Variants in RNF111 observed in about 807,000 individuals in gnomAD.
RNF111 encodes E3 ubiquitin-protein ligase Arkadia.
A neutral mutation model predicts 95.1 loss-of-function variants in RNF111; 17 were observed. That is an observed-to-expected ratio of 0.18 (90% confidence interval 0.12 to 0.27). The LOEUF (loss-of-function observed/expected upper bound fraction) is 0.27, where lower values mean the gene tolerates loss of function less well. RNF111 is among the 10% of genes least tolerant of loss of function. RNF111 has a pLI of 1.00. For synonymous variants in RNF111, 440 were observed against 414.8 expected (o/e 1.06, Z -0.74); for missense variants, 1,189 against 1,210.4 (o/e 0.98, Z 0.26).
chr15:59,075,860 T>A (rs2043142820), intron 6 of RNF111, 94 bp from the exon 7 acceptor site: 2 of 1,325,532 alleles, frequency 1.5e-6, no homozygotes, highest in Non-Finnish European at 2.1e-6. Context: ...TTAAAGATTA[T>A]GTTTTTTTGG....
rs2043147102 is a variant in RNF111 at position 59,075,938 on chromosome 15, C to G, written c.1687-16C>G. 6.2e-7 allele frequency: 1 copy of G among 1,611,150 alleles called. No homozygotes were observed. Among genetic ancestry groups the G allele is most frequent in the South Asian group, 1.1e-5 (1 of 91,000 alleles). On this transcript the variant is annotated splice_polypyrimidine_tract_variant and intron_variant, in intron 6 of 13. Coordinates refer to ENST00000348370, the MANE Select transcript of RNF111 (RefSeq NM_017610.8). ...CCAAACTTTAGAAAGATAAAATATACTTCCTTTTTATCTAGCAGGCATTGC... is the reference window on the plus strand; with the variant it reads ...CCAAACTTTAGAAAGATAAAATATAGTTCCTTTTTATCTAGCAGGCATTGC...
chr15:59,094,487 C>A (rs902644414), intron 13 of RNF111, among the ~76,000 whole-genome samples: 19 of 152,078 alleles, frequency 1.2e-4, no homozygotes, highest in African/African-American at 3.9e-4. Context: ...ACTGCTAACT[C>A]CAGGGCATTG....
intron 2 of RNF111, chr15:59,050,287 A>C (rs2041922482): frequency 6.6e-6 from 1 of 152,162 alleles, no homozygotes; most frequent in Non-Finnish European, 1.5e-5. Context: ...TTTTTCTTGT[A>C]GATTCCTGTG....
intron 2 of RNF111, 64 bp downstream of exon 2, chr15:59,031,766 G>A: frequency 6.9e-7 from 1 of 1,439,678 alleles, no homozygotes; most frequent in East Asian, 2.3e-5. Flanking sequence ...TTAATTTTTT[G>A]TTTGTGTCTT....
At chr15:59,008,276 G>A (rs2039632095) in intron 1 of RNF111, among the ~76,000 whole-genome samples, 1 of 152,122 alleles carries the variant, frequency 6.6e-6, no homozygotes, top group South Asian at 2.1e-4. Context: ...GCAGTGCAGT[G>A]GCACAGTCGT....
At chr15:59,014,347 A>G (rs2039968781) in intron 1 of RNF111, among the ~76,000 whole-genome samples, 1 of 152,224 alleles carries the variant, frequency 6.6e-6, no homozygotes, top group African/African-American at 2.4e-5. Context: ...ACAAGTCAGA[A>G]TCTGAGCACT....
At chr15:59,078,489 T>C (rs2078632765) in intron 7 of RNF111, among the ~76,000 whole-genome samples, 1 of 150,312 alleles carries the variant, frequency 6.7e-6, no homozygotes, top group South Asian at 2.1e-4. Flanking sequence ...TGTAGTGTGC[T>C]GTTATCACAC....
intron 1 of RNF111, among the ~76,000 whole-genome samples, chr15:59,002,005 A>G (rs1408405747): frequency 6.6e-6 from 1 of 152,216 alleles, no homozygotes; most frequent in East Asian, 1.9e-4. Context: ...CTTTCTTGTG[A>G]TGACGGAAAA....
intron 1 of RNF111, among the ~76,000 whole-genome samples, chr15:59,012,540 CAAG>C: frequency 6.6e-6 from 1 of 152,252 alleles, no homozygotes; most frequent in East Asian, 1.9e-4. Context: ...CATTTTAACA[CAAG>C]AAATGTGTTT....
At chr15:59,037,139 G>A (rs2041220459) in intron 2 of RNF111, among the ~76,000 whole-genome samples, 1 of 151,896 alleles carries the variant, frequency 6.6e-6, no homozygotes, top group South Asian at 2.1e-4. Context: ...CGTAACCAGT[G>A]TATTTGTTAT....
chr15:59,019,944 C>T (rs2040253185), intron 1 of RNF111, among the ~76,000 whole-genome samples: 1 of 152,038 alleles, frequency 6.6e-6, no homozygotes, highest in African/African-American at 2.4e-5. Context: ...GGGTGACAGA[C>T]TGAGACTCCA....
chr15:59,082,785 T>C (rs1261409251), intron 8 of RNF111, among the ~76,000 whole-genome samples: 1 of 152,202 alleles, frequency 6.6e-6, no homozygotes. Context: ...TCCAGCTCTC[T>C]TGTGTAACTT....
chr15:59,030,855 C>T lies in RNF111; in HGVS notation c.33C>T (p.Leu11=). The T allele has an allele frequency of 1.2e-6, 2 of 1,612,796 alleles. No homozygotes were observed. Among genetic ancestry groups the T allele is most frequent in the Non-Finnish European group, 1.7e-6 (2 of 1,179,094 alleles). The part of the protein sequence containing the change: MSQWTPEYNE[L]YTLKVDMKSE... ...AATGGACTCCTGAATATAACGAGCTCTACACCTTAAAAGTGGATATGAAGA... is the reference window on the plus strand; with the variant it reads ...AATGGACTCCTGAATATAACGAGCTTTACACCTTAAAAGTGGATATGAAGA... Residue 11 remains leucine (L), a synonymous_variant, in exon 2 of 14, where the codon CTC becomes CTT. Coordinates refer to ENST00000348370, the MANE Select transcript of RNF111 (RefSeq NM_017610.8).
chr15:59,005,685 A>G (rs923655702), intron 1 of RNF111, among the ~76,000 whole-genome samples: 3 of 152,128 alleles, frequency 2.0e-5, no homozygotes, highest in Non-Finnish European at 2.9e-5. Flanking sequence ...AAAAAAATGT[A>G]TGTATATGTA....
intron 7 of RNF111, among the ~76,000 whole-genome samples, chr15:59,078,823 C>T (rs1189736339): frequency 1.3e-5 from 2 of 150,420 alleles, no homozygotes; most frequent in Admixed American, 6.6e-5. Flanking sequence ...CACACCACTG[C>T]ACTCCAGCCT....
intron 3 of RNF111, among the ~76,000 whole-genome samples, chr15:59,053,534 T>TC (rs2042079618): frequency 6.6e-6 from 1 of 152,248 alleles, no homozygotes; most frequent in Admixed American, 6.5e-5. Flanking sequence ...CTTGCCATTT[T>TC]AGCATCGAAG....
intron 3 of RNF111, 81 bp downstream of exon 3, chr15:59,052,512 C>G (rs1288763403): frequency 2.1e-6 from 2 of 938,310 alleles, no homozygotes; most frequent in East Asian, 4.2e-5. Flanking sequence ...TATTTGCATT[C>G]TTTTTATTTA....
intron 1 of RNF111, among the ~76,000 whole-genome samples, chr15:58,990,349 G>C (rs1247950160): frequency 1.3e-5 from 2 of 152,194 alleles, no homozygotes; most frequent in Non-Finnish European, 2.9e-5. Context: ...CATGAAATGT[G>C]TATGTGTAAA....
In RNF111 at chr15:59,043,642, A is replaced by G. The variant is rs542937778; in HGVS notation, c.881-8663A>G. Among the ~76,000 whole-genome samples the G allele has an allele frequency of 1.2e-4, 19 of 152,306 alleles. 2 individuals are homozygous for G. The South Asian group carries it at 3.5e-3, about 28-fold the overall frequency. Reference sequence around the variant, plus strand: ...TGCTATTGTGAAAATGCTACAGTGAACATTTGGGTACAAATCTTTGTGTAC... The same window carrying G: ...TGCTATTGTGAAAATGCTACAGTGAGCATTTGGGTACAAATCTTTGTGTAC... On this transcript the variant is annotated intron_variant, in intron 2 of 13. Transcript: ENST00000348370.
Sources: allele counts gnomAD v4.1 joint callset (sites outside exome capture counted in the v4.1 genomes callset), GRCh38; gene constraint gnomAD v4.1.1; transcripts MANE v1.5; gene names NCBI Gene and HGNC (gene_info 2026-07-23, HGNC 2026-07-21).